IL4I1: variants seen among roughly 807,000 people sequenced by gnomAD.
IL4I1 encodes the protein L-amino-acid oxidase.
Under a neutral mutation model 29.7 loss-of-function variants are expected in IL4I1, and 24 were observed. The ratio of observed to expected loss-of-function variants is 0.81; its 90% CI spans 0.59 to 1.14. The LOEUF (loss-of-function observed/expected upper bound fraction) is 1.14. Among genes scored for constraint, IL4I1 ranks in the 50% most tolerant of loss-of-function variants. The probability of loss-of-function intolerance (pLI) is 0.00; values close to 1 mark genes in which losing one functional copy is unlikely to be tolerated. For missense variants in IL4I1, 686 were observed against 785.6 expected, an observed-to-expected ratio of 0.87 and a Z score of 1.52; for synonymous variants, 371 against 352.5, an observed-to-expected ratio of 1.05 and a Z score of -0.59.
In IL4I1 at chr19:49,911,379, A is replaced by C. The variant is rs1295100427; in HGVS notation, c.-227-7058T>G. 2.0e-5 allele frequency: 3 copies of C among 152,236 alleles called. No homozygotes were observed. The South Asian group carries it at 6.2e-4, about 32-fold the overall frequency. The allele number at this position is 152,236 out of a possible 1,614,324, so 9.4% of individuals were successfully genotyped here. A position where few individuals can be genotyped will look rare whatever the true frequency, so the allele number is the denominator to read the frequency against. On this transcript the variant is annotated intron_variant, in intron 2 of 9. Coordinates refer to the IL4I1 transcript ENST00000341114. ...AAAGAGGGAGGCCCTGTCTCAAAAA[A>C]ACAAAAGAATAATCAAAGTCAAGAC...
At chr19:49,910,569 G>A (rs1435155404) in intron 2 of IL4I1, among the ~76,000 whole-genome samples, 1 of 152,262 alleles carries the variant, frequency 6.6e-6, no homozygotes, top group South Asian at 2.1e-4. Context: ...GCCTCCCCTG[G>A]GGTTTTCTCC....
At chr19:49,908,036 A>G (rs1465260543) in intron 2 of IL4I1, 2 of 1,149,172 alleles carry the variant, frequency 1.7e-6, no homozygotes. Flanking sequence ...AGCCACACCC[A>G]TGAGGCTGCT....
intron 2 of IL4I1, among the ~76,000 whole-genome samples, chr19:49,924,954 C>T (rs2075850877): frequency 6.6e-6 from 1 of 152,144 alleles, no homozygotes; most frequent in Non-Finnish European, 1.5e-5. Context: ...TCCTACTGAC[C>T]AAGCTATTAA....
At chr19:49,902,264 G>A (rs1306651081) in intron 3 of IL4I1, among the ~76,000 whole-genome samples, 1 of 152,062 alleles carries the variant, frequency 6.6e-6, no homozygotes, top group African/African-American at 2.4e-5. Flanking sequence ...GCCTCCCAAA[G>A]TGCTGGGATT....
chr19:49,908,213 C>G, intron 2 of IL4I1: 2 of 1,610,380 alleles, frequency 1.2e-6, no homozygotes, highest in Non-Finnish European at 1.7e-6. Context: ...TCCCTAGGGA[C>G]CTGCGGGCCC....
intron 2 of IL4I1, among the ~76,000 whole-genome samples, chr19:49,927,353 G>A (rs1163827701): frequency 2.0e-5 from 3 of 151,996 alleles, no homozygotes; most frequent in African/African-American, 7.3e-5. Flanking sequence ...ATTGTCTTAG[G>A]CCACACATAA....
At position 49,908,710 on chromosome 19, in the gene IL4I1, G is replaced by A. The variant is rs564436380; in HGVS notation, c.-227-4389C>T. ...GGCTGGTGATCTTTTCTCCATTCTC[G>A]ATCAGCGTGCGGTCCCAGGCGTTGA... On this transcript the variant is annotated intron_variant, in intron 2 of 9. Transcript: ENST00000341114. 9 of 1,612,516 alleles carry A rather than the reference G, an allele frequency of 5.6e-6. No homozygotes were observed. The highest frequency in any genetic ancestry group is 2.2e-5 in the East Asian group (1 of 44,896).
At chr19:49,913,630 G>C (rs1021320413) in intron 2 of IL4I1, among the ~76,000 whole-genome samples, 2 of 152,226 alleles carry the variant, frequency 1.3e-5, no homozygotes, top group Non-Finnish European at 2.9e-5. Context: ...CTGGAAGCTC[G>C]TGCCTGGTCT....
intron 3 of IL4I1, among the ~76,000 whole-genome samples, chr19:49,903,480 G>A (rs1030062894): frequency 6.6e-6 from 1 of 152,228 alleles, no homozygotes; most frequent in African/African-American, 2.4e-5. Flanking sequence ...CGGGGTCACT[G>A]AAACCTGGCT....
chr19:49,894,168 G>A (rs1239504333), intron 5 of IL4I1, 100 bp downstream of exon 5: 2 of 1,148,782 alleles, frequency 1.7e-6, no homozygotes, highest in East Asian at 2.6e-5. Context: ...CCCCATGGAG[G>A]GGACTGAAGG....
intron 2 of IL4I1, among the ~76,000 whole-genome samples, chr19:49,906,612 CCCT>C (rs2075328244): frequency 6.6e-6 from 1 of 152,356 alleles, no homozygotes. Flanking sequence ...CTAGCACCAC[CCCT>C]TCCTGGAGCA....
At chr19:49,913,184 A>G (rs2075522528) in intron 2 of IL4I1, 1 of 152,442 alleles carries the variant, frequency 6.6e-6, no homozygotes, top group Non-Finnish European at 1.5e-5. Context: ...GGAGGCCCAC[A>G]CAGCAGACAT....
At chr19:49,918,922 G>A (rs575123922) in intron 2 of IL4I1, among the ~76,000 whole-genome samples, 1 of 150,828 alleles carries the variant, frequency 6.6e-6, no homozygotes, top group East Asian at 2.0e-4. Flanking sequence ...GGTGTGGGGG[G>A]GCGGATCACC....
chr19:49,913,424 A>C (rs1458907110), intron 2 of IL4I1, among the ~76,000 whole-genome samples: 1 of 152,182 alleles, frequency 6.6e-6, no homozygotes, highest in Non-Finnish European at 1.5e-5. Flanking sequence ...GCTGTGACCT[A>C]GAGTGGGGGC....
At chr19:49,891,618 A>G in intron 5 of IL4I1, 145 bp from the exon 6 acceptor site, 2 of 678,158 alleles carry the variant, frequency 2.9e-6, no homozygotes, top group Non-Finnish European at 5.2e-6. Context: ...TTTTGCCCAC[A>G]CCATGCCCTC....
Position 49,890,596 on chromosome 19 carries a change from T to C in IL4I1, c.778A>G (p.Ser260Gly). ...AGGTCCCAGCCACCCACGATGCGGC[T>C]GTACCTGCAGGCGGGGCGGGGCGGG... is the stretch of plus-strand genomic sequence containing the variant. The part of the protein sequence containing the change: ...HSCLSDRLQY[S>G]RIVGGWDLLP... Residue 260 changes from serine to glycine, a missense_variant, in exon 8 of 8, where the codon AGC becomes GGC. By Grantham distance (56) the Ser-to-Gly change is moderately conservative (BLOSUM62 0). Coordinates refer to ENST00000391826, the MANE Select transcript of IL4I1 (RefSeq NM_152899.2). The C allele has an allele frequency of 6.5e-7, 1 of 1,550,160 alleles. No individual in the cohort carries two copies.
chr19:49,891,550 G>T, intron 5 of IL4I1, 77 bp from the exon 6 acceptor site: 1 of 1,312,398 alleles, frequency 7.6e-7, no homozygotes, highest in South Asian at 1.2e-5. Context: ...GCCCACACTC[G>T]GCTTCTCCTC....
chr19:49,890,854 T>A, intron 7 of IL4I1, 117 bp downstream of exon 7: 1 of 927,406 alleles, frequency 1.1e-6, no homozygotes. Flanking sequence ...CGACCATCAA[T>A]TAGGCCACGC....
Position 49,894,487 on chromosome 19 carries a change from T to C in IL4I1, c.366-18A>G. 1 of 1,580,588 alleles carries C rather than the reference T, an allele frequency of 6.3e-7. No homozygotes were observed. The highest frequency in any genetic ancestry group is 8.6e-7 in the Non-Finnish European group (1 of 1,164,968). On this transcript the variant is annotated intron_variant, in intron 4 of 7. Coordinates refer to ENST00000391826, the MANE Select transcript of IL4I1 (RefSeq NM_152899.2). ...GGAGGATCCTGATCAGGGGAGTGGGTGAGTGAGGGCCGGGCTCCAGTGGGG... is the reference window on the plus strand; with the variant it reads ...GGAGGATCCTGATCAGGGGAGTGGGCGAGTGAGGGCCGGGCTCCAGTGGGG...
Sources: allele counts gnomAD v4.1 joint callset (sites outside exome capture counted in the v4.1 genomes callset), GRCh38; gene constraint gnomAD v4.1.1; transcripts MANE v1.5; gene names NCBI Gene and HGNC (gene_info 2026-07-23, HGNC 2026-07-21).